The following GREB1 variants were observed in gnomAD, a reference collection of about 807,000 sequenced individuals.
The protein encoded by GREB1 is protein GREB1.
A neutral mutation model predicts 200.7 loss-of-function variants in GREB1; 106 were observed. The observed-to-expected ratio is 0.53, with a 90% CI of 0.45 to 0.62. The LOEUF (loss-of-function observed/expected upper bound fraction) is 0.62. Among genes scored for constraint, GREB1 ranks in the 20% least tolerant of loss-of-function variants. The pLI is 0.00. For synonymous variants in GREB1, 1,132 were observed against 1,092.4 expected (o/e 1.04, Z -0.72); for missense variants, 2,243 against 2,556.8 (o/e 0.88, Z 2.65).
chr2:11,542,109 G>A (rs1674815204), intron 1 of GREB1, among the ~76,000 whole-genome samples: 1 of 151,994 alleles, frequency 6.6e-6, no homozygotes, highest in African/African-American at 2.4e-5. Context: ...CAGGAACTGT[G>A]TCTAGTTCAG....
intron 1 of GREB1, among the ~76,000 whole-genome samples, chr2:11,497,456 A>C (rs1672917972): frequency 6.6e-6 from 1 of 152,176 alleles, no homozygotes; most frequent in Admixed American, 6.5e-5. Flanking sequence ...TTTTGTGTAA[A>C]CATATGTTGT....
Position 11,593,038 on chromosome 2 carries a change from G to T in GREB1, c.1608G>T (p.Leu536Phe). The T allele has an allele frequency of 1.2e-6, 2 of 1,613,252 alleles. No homozygotes were observed. The highest frequency in any genetic ancestry group is 1.7e-6 in the Non-Finnish European group (2 of 1,179,812). The change falls in exon 11 of 33, where the codon TTG (leucine) becomes TTT (phenylalanine). Residue 536 changes from leucine to phenylalanine, a missense_variant. Around this residue, in one of 3 missense-constraint regions of GREB1, gnomAD observed 1,178 missense variants for 1,387.4 expected, o/e 0.85. Coordinates refer to ENST00000381486, the MANE Select transcript of GREB1 (RefSeq NM_014668.4). ...GCCTCTCCGAGATGTTCCGGCTGTT[G>T]GTCGAGGGCAAGCTTGCCAAGACCA... Reference protein sequence around the residue: ...AEGLSEMFRLLVEGKLAKTNY... With the variant: ...AEGLSEMFRLFVEGKLAKTNY...
In GREB1 at chr2:11,602,389, G is replaced by T; in HGVS notation, c.2530-17G>T. 6.2e-7 allele frequency: 1 copy of T among 1,612,342 alleles called. No homozygotes were observed. The highest frequency in any genetic ancestry group is 8.5e-7 in the Non-Finnish European group (1 of 1,178,696). On this transcript the variant is annotated splice_polypyrimidine_tract_variant and intron_variant, in intron 16 of 32. Transcript: ENST00000381486. ...CGAATGCAGTGTTGGAGTGACCGAC[G>T]CTCTTCTTTGTTTTAGGGAGTGGAC...
chr2:11,534,355 T>G (rs1674192570), intron 1 of GREB1, 101 bp downstream of exon 1: 1 of 152,246 alleles, frequency 6.6e-6, no homozygotes, highest in Non-Finnish European at 1.5e-5. Context: ...ACTTTTGTGT[T>G]TCTTGCAGAG....
intron 1 of GREB1, among the ~76,000 whole-genome samples, chr2:11,512,777 T>C (rs1673387871): frequency 6.6e-6 from 1 of 152,236 alleles, no homozygotes; most frequent in Non-Finnish European, 1.5e-5. Context: ...ACATGGCATG[T>C]GCTCAGTGAC....
intron 7 of GREB1, among the ~76,000 whole-genome samples, chr2:11,581,877 C>CA: frequency 6.6e-6 from 1 of 152,306 alleles, no homozygotes; most frequent in East Asian, 1.9e-4. Context: ...TGTGAATTGT[C>CA]TAACTCTTCA....
intron 7 of GREB1, chr2:11,581,358 G>C (rs536466770): frequency 3.3e-4 from 86 of 256,932 alleles, no homozygotes; most frequent in African/African-American, 1.8e-3. Context: ...GGTACCGGCT[G>C]TTCTCATCCA....
intron 1 of GREB1, among the ~76,000 whole-genome samples, chr2:11,508,025 G>A (rs1375737185): frequency 1.3e-5 from 2 of 152,210 alleles, no homozygotes; most frequent in African/African-American, 2.4e-5. Context: ...ATAAAGCCAT[G>A]TACTAGATAT....
intron 3 of GREB1, 63 bp downstream of exon 3, chr2:11,562,645 G>A: frequency 6.7e-7 from 1 of 1,501,056 alleles, no homozygotes; most frequent in Non-Finnish European, 8.9e-7. Context: ...CAGTGGCCAG[G>A]CGGGTGACTG....
intron 1 of GREB1, among the ~76,000 whole-genome samples, chr2:11,489,495 A>G (rs1672733744): frequency 6.6e-6 from 1 of 152,204 alleles, no homozygotes; most frequent in Non-Finnish European, 1.5e-5. Flanking sequence ...GCTACTTTGA[A>G]GTCTTGCCCC....
In GREB1 at chr2:11,640,419, C is replaced by G. The variant is rs765465026; in HGVS notation, c.5815C>G (p.Arg1939Gly). ...CCAGACCGCCAATGCCAGGGAAGAC[C>G]GGCCGCTCTTTTTTCTGACGGGACG... is the stretch of plus-strand genomic sequence containing the variant. Reference protein sequence around the residue: ...EFQTANAREDRPLFFLTGRHI With the variant: ...EFQTANAREDGPLFFLTGRHI Residue 1939 changes from arginine to glycine, a missense_variant, in exon 33 of 33, where the codon CGG becomes GGG. Arg to Gly is a moderately radical substitution (Grantham distance 125). This residue lies in a region of GREB1 where 478 missense variants were observed against 616.3 expected (regional missense o/e 0.78). Transcript: ENST00000381486. The surrounding 1 kb of genome is among the most constrained non-coding windows in gnomAD (Gnocchi z 4.6). 10 of 1,614,080 alleles carry G rather than the reference C, an allele frequency of 6.2e-6. No homozygotes were observed. The East Asian group carries it at 2.2e-4, about 36-fold the overall frequency.
chr2:11,533,785 T>A (rs1674163669), upstream of GREB1, among the ~76,000 whole-genome samples: 1 of 152,212 alleles, frequency 6.6e-6, no homozygotes, highest in South Asian at 2.1e-4. Context: ...AACTAGAATC[T>A]GCACACCATG....
rs1205155535 is a variant in GREB1, at chr2:11,632,002, A to G, written c.4705A>G (p.Ser1569Gly). ...TCTGTACCACGCAATGGACGGTGCC[A>G]GCCATTTGCACGTGCTGGTTGTCAA... ...FNLYHAMDGA[S>G]HLHVLVVKEY... Residue 1569 changes from serine (S) to glycine (G), a missense_variant, in exon 27 of 33, where the codon AGC (serine) becomes GGC (glycine). By Grantham distance (56) the Ser-to-Gly change is moderately conservative (BLOSUM62 0). Coordinates refer to ENST00000381486, the MANE Select transcript of GREB1 (RefSeq NM_014668.4). The G allele has an allele frequency of 1.9e-6, 3 of 1,613,792 alleles. No homozygotes were observed. Among genetic ancestry groups the G allele is most frequent in the Non-Finnish European group, 2.5e-6 (3 of 1,179,696 alleles).
intron 8 of GREB1, 112 bp downstream of exon 8, chr2:11,585,386 G>C (rs1446419539): frequency 4.6e-6 from 3 of 659,280 alleles, no homozygotes; most frequent in Non-Finnish European, 7.7e-6. Context: ...GAATGTGCGT[G>C]TGTACTGATG....
At chr2:11,567,121 G>C (rs1260522186) in intron 4 of GREB1, among the ~76,000 whole-genome samples, 5 of 152,062 alleles carry the variant, frequency 3.3e-5, no homozygotes, top group African/African-American at 1.2e-4. Context: ...TTGTTTGCTT[G>C]TTTGTTTGTT....
chr2:11,561,969 A>G (rs1241618664), intron 2 of GREB1, among the ~76,000 whole-genome samples: 1 of 152,182 alleles, frequency 6.6e-6, no homozygotes, highest in East Asian at 1.9e-4. Flanking sequence ...GATCTCTCTG[A>G]ACCTCCATTT....
At chr2:11,536,321 A>G (rs1189210506) in intron 1 of GREB1, among the ~76,000 whole-genome samples, 1 of 152,092 alleles carries the variant, frequency 6.6e-6, no homozygotes, top group Admixed American at 6.5e-5. Flanking sequence ...AGCAGCACCA[A>G]CCCCGCATGA....
chr2:11,562,163 G>T (rs1677123251), intron 2 of GREB1, among the ~76,000 whole-genome samples: 1 of 152,222 alleles, frequency 6.6e-6, no homozygotes, highest in East Asian at 1.9e-4. Flanking sequence ...GAGTCATGAG[G>T]CCCAGGTCTG....
In GREB1 at chr2:11,614,124, G is replaced by GTTTTTT. The variant is rs1558636075; in HGVS notation, c.3123-967_3123-966insTTTTTT. 4.5e-5 allele frequency among the ~76,000 whole-genome samples: 6 copies of GTTTTTT among 133,400 alleles called. 1 individual carries two copies. The highest frequency in any genetic ancestry group is 6.1e-5 in the Non-Finnish European group (4 of 65,194). The allele number at this position is 133,400 out of a possible 152,430, so 87.5% of individuals were successfully genotyped here. On this transcript the variant is annotated intron_variant, in intron 19 of 32. Coordinates refer to ENST00000381486, the MANE Select transcript of GREB1 (RefSeq NM_014668.4). ...TTTAATCTTTATCACAGCGGACTTA[G>GTTTTTT]ATTTTTTTTTTTTTTTTTTTGAGAC...
Sources: gnomAD v4.1 joint callset for allele counts (sites outside exome capture counted in the v4.1 genomes callset) on GRCh38, gnomAD v4.1.1 for gene constraint, gnomAD v4.1.1 regional missense constraint, Gnocchi (gnomAD v3.1) non-coding constraint, MANE v1.5 for transcripts, NCBI Gene and HGNC (gene_info 2026-07-23, HGNC 2026-07-21) for gene names.